Variants in STK32A observed in about 807,000 individuals in gnomAD.
The protein encoded by STK32A is serine/threonine kinase 32A.
Under a neutral mutation model 53.2 loss-of-function variants are expected in STK32A, and 41 were observed. That is an observed-to-expected ratio of 0.77 (90% CI 0.60 to 1.00). STK32A has a LOEUF of 1.00. STK32A is among the 50% of genes least tolerant of loss of function. The probability of loss-of-function intolerance (pLI) is 0.00; values close to 1 mark genes in which losing one functional copy is unlikely to be tolerated. For missense variants in STK32A, 458 were observed against 485.8 expected, an observed-to-expected ratio of 0.94 and a Z score of 0.54; for synonymous variants, 166 against 162.8, an observed-to-expected ratio of 1.02 and a Z score of -0.15.
chr5:147,307,164 A>G (rs1244758156), intron 4 of STK32A, among the ~76,000 whole-genome samples: 1 of 152,172 alleles, frequency 6.6e-6, no homozygotes, highest in African/African-American at 2.4e-5. Flanking sequence ...AACTTCACCA[A>G]GAAGTCTTTC....
chr5:147,324,355 A>G (rs2151978370), intron 5 of STK32A, among the ~76,000 whole-genome samples: 1 of 152,344 alleles, frequency 6.6e-6, no homozygotes, highest in East Asian at 1.9e-4. Flanking sequence ...GGTGACATAT[A>G]GAAACCTAAT....
intron 2 of STK32A, among the ~76,000 whole-genome samples, chr5:147,254,983 CA>C (rs1051617065): frequency 6.6e-6 from 1 of 152,044 alleles, no homozygotes; most frequent in East Asian, 1.9e-4. Flanking sequence ...ACTAAAAATA[CA>C]AAAAAATTAG....
intron 2 of STK32A, among the ~76,000 whole-genome samples, chr5:147,260,009 C>T (rs1754439896): frequency 7.0e-6 from 1 of 143,278 alleles, no homozygotes; most frequent in South Asian, 2.3e-4. Context: ...TTTCTCTCTC[C>T]TCTGTCTCTT....
chr5:147,375,932 A>C (rs1037159588), intron 11 of STK32A: 1 of 152,162 alleles, frequency 6.6e-6, no homozygotes, highest in African/African-American at 2.4e-5. Flanking sequence ...TCATCTATCT[A>C]TCCACACGAC....
At chr5:147,367,552 G>A (rs1338594885) in intron 8 of STK32A, among the ~76,000 whole-genome samples, 1 of 152,014 alleles carries the variant, frequency 6.6e-6, no homozygotes, top group Non-Finnish European at 1.5e-5. Flanking sequence ...ATTTGGGTAG[G>A]TAAAGGAAAA....
intron 4 of STK32A, among the ~76,000 whole-genome samples, chr5:147,319,621 T>C (rs1282398443): frequency 1.3e-5 from 2 of 152,156 alleles, no homozygotes; most frequent in East Asian, 1.9e-4. Context: ...AAGAAAAATA[T>C]GATGGGTCAT....
intron 4 of STK32A, among the ~76,000 whole-genome samples, chr5:147,291,616 A>C (rs988275420): frequency 8.5e-5 from 13 of 152,246 alleles, no homozygotes; most frequent in Non-Finnish European, 4.4e-5. Flanking sequence ...AAGTCAACTA[A>C]AAACATCATG....
intron 5 of STK32A, among the ~76,000 whole-genome samples, chr5:147,336,185 T>C (rs1449370535): frequency 1.3e-5 from 2 of 152,238 alleles, no homozygotes; most frequent in Non-Finnish European, 2.9e-5. Context: ...TACACACTCA[T>C]ATACTACACA....
chr5:147,352,392 G>A (rs555753398), intron 7 of STK32A, among the ~76,000 whole-genome samples: 23 of 152,246 alleles, frequency 1.5e-4, no homozygotes, highest in Middle Eastern at 6.8e-3. Context: ...TTGTCAGTTG[G>A]TTTCACGTAT....
intron 4 of STK32A, among the ~76,000 whole-genome samples, chr5:147,294,771 C>A (rs1489321327): frequency 6.6e-6 from 1 of 151,910 alleles, no homozygotes; most frequent in African/African-American, 2.4e-5. Context: ...GCAACCTCTG[C>A]CTCCTGGGTT....
intron 2 of STK32A, among the ~76,000 whole-genome samples, chr5:147,260,252 C>T (rs1754486402): frequency 7.3e-6 from 1 of 137,406 alleles, no homozygotes; most frequent in Non-Finnish European, 1.6e-5. Context: ...CTCTCTCTCT[C>T]TCCTCTCTCT....
intron 4 of STK32A, among the ~76,000 whole-genome samples, chr5:147,294,874 G>A (rs7720251): frequency 0.5 from 76,389 of 151,736 alleles, 20,538 homozygotes; most frequent in African/African-American, 0.67. Context: ...TAGGAGAGAC[G>A]GGGTTTCACT....
At chr5:147,352,143 T>G (rs1021472945) in intron 7 of STK32A, among the ~76,000 whole-genome samples, 2 of 152,148 alleles carry the variant, frequency 1.3e-5, no homozygotes, top group African/African-American at 2.4e-5. Context: ...GTCCAGGAGT[T>G]GGAGGCTGCA....
rs186748963 is a variant in STK32A at position 147,280,018 on chromosome 5, G to T, written c.260+620G>T. ...CACTGGAGAAGCTGAAGGTCTGTTT[G>T]CTGGAGAAGTTTCTGACTTTACCTG... is the stretch of plus-strand genomic sequence containing the variant. On this transcript the variant is annotated intron_variant, in intron 4 of 12. Transcript: ENST00000397936. Among the ~76,000 whole-genome samples the T allele has an allele frequency of 1.6e-3, 244 of 152,272 alleles. 3 individuals carry two copies. The highest frequency in any genetic ancestry group is 5.7e-3 in the African/African-American group (237 of 41,544).
downstream of STK32A, among the ~76,000 whole-genome samples, chr5:147,389,913 T>C (rs1291107190): frequency 1.3e-5 from 2 of 152,110 alleles, no homozygotes; most frequent in African/African-American, 4.8e-5. Flanking sequence ...AGGAAGCACT[T>C]ACTGAAGGCA....
chr5:147,370,703 C>A lies in STK32A; in HGVS notation c.710C>A (p.Thr237Lys), dbSNP rs1219426635. The change falls in exon 9 of 13, where the codon ACG becomes AAG. Residue 237 changes from threonine (T) to lysine (K), a missense_variant. Physicochemically the swap from Thr to Lys is moderately conservative, Grantham distance 78. Coordinates refer to ENST00000397936, the MANE Select transcript of STK32A (RefSeq NM_001112724.2). ...SSTSSKEIVH[T>K]FETTVVTYPS... The stretch of plus-strand genomic sequence containing the variant: ...ACTTCCAGCAAGGAAATTGTACACA[C>A]GTTTGAGACGACTGTTGTAACTTAC... 4 of 1,612,434 alleles carry A rather than the reference C, an allele frequency of 2.5e-6. No homozygotes were observed. Among genetic ancestry groups the A allele is most frequent in the Non-Finnish European group, 3.4e-6 (4 of 1,178,880 alleles).
intron 4 of STK32A, among the ~76,000 whole-genome samples, chr5:147,280,080 G>A (rs900300614): frequency 1.3e-5 from 2 of 152,126 alleles, no homozygotes; most frequent in African/African-American, 4.8e-5. Flanking sequence ...TGAAATACAC[G>A]GGGAGAAGAA....
intron 11 of STK32A, among the ~76,000 whole-genome samples, chr5:147,379,327 A>G (rs1757363583): frequency 1.3e-5 from 2 of 151,780 alleles, no homozygotes; most frequent in Admixed American, 6.6e-5. Flanking sequence ...TATGTGTGCA[A>G]CCATGATTGA....
chr5:147,264,968 T>C (rs911080480), intron 2 of STK32A, among the ~76,000 whole-genome samples: 14 of 151,750 alleles, frequency 9.2e-5, no homozygotes, highest in African/African-American at 3.4e-4. Context: ...CTTGAAAAAA[T>C]GAAAACATTA....
Sources: gnomAD v4.1 joint callset for allele counts (sites outside exome capture counted in the v4.1 genomes callset) on GRCh38, gnomAD v4.1.1 for gene constraint, MANE v1.5 for transcripts, NCBI Gene and HGNC (gene_info 2026-07-23, HGNC 2026-07-21) for gene names.